CR1: variants seen among roughly 807,000 people sequenced by gnomAD.
CR1 encodes complement C3b/C4b receptor 1 (Knops blood group).
A neutral mutation model predicts 187.3 loss-of-function variants in CR1; 116 were observed. The observed-to-expected ratio is 0.62, with a 90% CI of 0.53 to 0.72. The LOEUF is 0.72. Among genes scored for constraint, CR1 ranks in the 30% least tolerant of loss-of-function variants. The pLI is 0.00. For missense variants in CR1, 1,731 were observed against 2,110.7 expected (o/e 0.82, Z 3.52); for synonymous variants, 576 against 747.1 (o/e 0.77, Z 3.73).
chr1:207,591,269 A>G (rs950559220), intron 35 of CR1, among the ~76,000 whole-genome samples: 2 of 152,238 alleles, frequency 1.3e-5, no homozygotes, highest in African/African-American at 2.4e-5. Flanking sequence ...CCACAGTACA[A>G]TCAAATTAGA....
chr1:207,602,668 GC>G (rs557764815), intron 35 of CR1, among the ~76,000 whole-genome samples: 44 of 152,082 alleles, frequency 2.9e-4, no homozygotes, highest in African/African-American at 1.1e-3. Flanking sequence ...TAAAATGACA[GC>G]CCCCTGTATT....
In CR1 at chr1:207,580,496, T is replaced by C; in HGVS notation, c.5114-15T>C. 6.3e-7 allele frequency: 1 copy of C among 1,590,956 alleles called. No homozygotes were observed. The highest frequency in any genetic ancestry group is 8.5e-7 in the Non-Finnish European group (1 of 1,173,690). ...TTACTCCTATTTTTTCTTTTTTTTTTTTTTCTTCTTCTAGTGAAATCCTGT... is the reference window on the plus strand; with the variant it reads ...TTACTCCTATTTTTTCTTTTTTTTTCTTTTCTTCTTCTAGTGAAATCCTGT... On this transcript the variant is annotated splice_polypyrimidine_tract_variant and intron_variant, in intron 30 of 46. Coordinates refer to ENST00000367049, the MANE Select transcript of CR1 (RefSeq NM_000651.6).
chr1:207,623,030 C>A lies in CR1; in HGVS notation c.7314C>A (p.Ile2438=). 1 of 1,581,480 alleles carries A rather than the reference C, an allele frequency of 6.3e-7. No homozygotes were observed. The highest frequency in any genetic ancestry group is 2.3e-5 in the East Asian group (1 of 44,308). The change falls in exon 45 of 47, where the codon ATC becomes ATA. Residue 2438 remains isoleucine, a synonymous_variant. Transcript: ENST00000367049. The part of the protein sequence containing the change: ...LSGTIFFILL[I]IFLSWIILKH... ...GTACGATCTTCTTTATTTTACTCAT[C>A]ATTTTCCTCTCTTGGATAATTCTAA...
At position 207,577,775 on chromosome 1, in the gene CR1, G is replaced by A. The variant is rs773532973; in HGVS notation, c.4538-30G>A. 7.4e-6 allele frequency: 12 copies of A among 1,612,496 alleles called. No individual in the cohort carries two copies. The Admixed American group carries it at 2.0e-4, about 27-fold the overall frequency. On this transcript the variant is annotated intron_variant, in intron 28 of 46. Coordinates refer to ENST00000367049, the MANE Select transcript of CR1 (RefSeq NM_000651.6). ...CAGCAAGACTCTGTCCCAAGGTTTT[G>A]TTTTGGTTAACTTGCTGTCTCTTTT...
chr1:207,503,898 A>G (rs1659349839), intron 1 of CR1, among the ~76,000 whole-genome samples: 1 of 152,230 alleles, frequency 6.6e-6, no homozygotes, highest in African/African-American at 2.4e-5. Context: ...AAAAGGTGAA[A>G]GTTGTCCACT....
chr1:207,613,847 CT>C (rs1329157570), intron 39 of CR1, among the ~76,000 whole-genome samples: 6 of 152,250 alleles, frequency 3.9e-5, no homozygotes, highest in South Asian at 2.1e-4. Context: ...CTCTTCCCCC[CT>C]CCCTTCTTTT....
At chr1:207,632,623 T>C (rs1022127554) in intron 46 of CR1, among the ~76,000 whole-genome samples, 1 of 151,778 alleles carries the variant, frequency 6.6e-6, no homozygotes, top group African/African-American at 2.4e-5. Context: ...CCTTCTCTAC[T>C]AAATACACAC....
chr1:207,636,264 G>C (rs2102421511), intron 46 of CR1, among the ~76,000 whole-genome samples: 1 of 152,138 alleles, frequency 6.6e-6, no homozygotes, highest in East Asian at 1.9e-4. Flanking sequence ...GATTTGCGAG[G>C]CCATCAGCAA....
chr1:207,618,363 C>A, intron 42 of CR1, 116 bp downstream of exon 42: 2 of 907,790 alleles, frequency 2.2e-6, no homozygotes, highest in Non-Finnish European at 3.3e-6. Flanking sequence ...TTTTTCTTCT[C>A]GGCAACTGCT....
At chr1:207,619,051 A>G (rs113637834) in intron 42 of CR1, among the ~76,000 whole-genome samples, 987 of 50,382 alleles carry the variant, frequency 0.02, 10 homozygotes, top group African/African-American at 0.032. Context: ...AAAAAAAAAA[A>G]AAAAGAAAAG....
At chr1:207,579,377 G>A (rs564568583) in intron 29 of CR1, among the ~76,000 whole-genome samples, 3 of 152,298 alleles carry the variant, frequency 2.0e-5, no homozygotes, top group African/African-American at 4.8e-5. Flanking sequence ...AACAGATAAA[G>A]GGATATAAAG....
At chr1:207,591,759 G>C (rs1317848294) in intron 35 of CR1, among the ~76,000 whole-genome samples, 5 of 151,792 alleles carry the variant, frequency 3.3e-5, no homozygotes, top group Admixed American at 3.3e-4. Flanking sequence ...ATGATAAAGG[G>C]GATATCACCA....
At chr1:207,501,695 C>T (rs1199801170) in intron 1 of CR1, among the ~76,000 whole-genome samples, 2 of 152,120 alleles carry the variant, frequency 1.3e-5, no homozygotes, top group Non-Finnish European at 2.9e-5. Context: ...ATTCAATTTG[C>T]TTTGTTACTT....
intron 24 of CR1, among the ~76,000 whole-genome samples, chr1:207,567,270 T>TG (rs1399439167): frequency 6.7e-6 from 1 of 149,640 alleles, no homozygotes; most frequent in Non-Finnish European, 1.5e-5. Context: ...TTGGAGTTTT[T>TG]TTTTTTTTTT....
At chr1:207,500,690 A>G (rs1659239176) in intron 1 of CR1, among the ~76,000 whole-genome samples, 1 of 152,258 alleles carries the variant, frequency 6.6e-6, no homozygotes, top group African/African-American at 2.4e-5. Flanking sequence ...AGGTAAAATT[A>G]TAACATTAAC....
In CR1 at chr1:207,641,647, TTTG is replaced by T. The variant is rs1294675210; in HGVS notation, c.*2241_*2243del. ...TATTGCTAGTCCTAACATTCTTTGT[TTTG>T]TTTGCTTTTTTGGCACACTTAAGTG... On this transcript the variant is annotated 3_prime_UTR_variant, in exon 47 of 47. Coordinates refer to ENST00000367049, the MANE Select transcript of CR1 (RefSeq NM_000651.6). The T allele has an allele frequency of 6.6e-6, 1 of 152,198 alleles. No homozygotes were observed. The highest frequency in any genetic ancestry group is 1.5e-5 in the Non-Finnish European group (1 of 68,040). The allele number at this position is 152,198 out of a possible 1,614,324, so 9.4% of individuals were successfully genotyped here.
At chr1:207,628,012 C>A (rs750167119) in intron 45 of CR1, among the ~76,000 whole-genome samples, 5 of 152,124 alleles carry the variant, frequency 3.3e-5, no homozygotes, top group Non-Finnish European at 1.5e-5. Flanking sequence ...CCTTTGAGAT[C>A]CTATAGTAAT....
intron 3 of CR1, among the ~76,000 whole-genome samples, chr1:207,510,062 C>G (rs1659564525): frequency 1.3e-5 from 2 of 152,026 alleles, no homozygotes; most frequent in Non-Finnish European, 2.9e-5. Flanking sequence ...CAAAAATCAG[C>G]CGAGTGTGGT....
intron 46 of CR1, among the ~76,000 whole-genome samples, chr1:207,633,644 T>C (rs11803366): frequency 0.47 from 71,726 of 152,144 alleles, 18,882 homozygotes; most frequent in Non-Finnish European, 0.6. Flanking sequence ...CTAAATTAAC[T>C]TCTGATGAAT....
Sources: gnomAD v4.1 joint callset for allele counts (sites outside exome capture counted in the v4.1 genomes callset) on GRCh38, gnomAD v4.1.1 for gene constraint, MANE v1.5 for transcripts, NCBI Gene and HGNC (gene_info 2026-07-23, HGNC 2026-07-21) for gene names.